The following ZBTB40 variants were observed in gnomAD, a reference collection of about 807,000 sequenced individuals.
The protein encoded by ZBTB40 is zinc finger and BTB domain-containing protein 40.
A neutral mutation model predicts 117.5 loss-of-function variants in ZBTB40; 60 were observed. The observed-to-expected ratio is 0.51, with a 90% confidence interval of 0.41 to 0.63. The LOEUF (loss-of-function observed/expected upper bound fraction) is 0.63, where lower values mean the gene tolerates loss of function less well. ZBTB40 is among the 30% of genes least tolerant of loss of function. ZBTB40 has a pLI of 0.00. For missense variants in ZBTB40, 1,287 were observed against 1,498.5 expected (o/e 0.86, Z 2.33); for synonymous variants, 525 against 577.1 (o/e 0.91, Z 1.29).
intron 1 of ZBTB40, among the ~76,000 whole-genome samples, chr1:22,435,490 T>C (rs1360875441): frequency 2.0e-5 from 3 of 151,862 alleles, no homozygotes; most frequent in Non-Finnish European, 2.9e-5. Flanking sequence ...CTCTCTCTCT[T>C]AATATATTTG....
rs938350534 is a variant in ZBTB40 at position 22,530,380 on chromosome 1, G to A, written c.*3984G>A. On this transcript the variant is annotated 3_prime_UTR_variant, in exon 18 of 18. Transcript: ENST00000375647. ...GAAACTTCGGGGCTGGTGGGACTTA[G>A]GCCAAAAGCTCAGAGGCACAGCCAA... 6.6e-6 allele frequency: 1 copy of A among 152,224 alleles called. No homozygotes were observed. Among genetic ancestry groups the A allele is most frequent in the Non-Finnish European group, 1.5e-5 (1 of 68,038 alleles). The allele number at this position is 152,224 out of a possible 1,614,324, so 9.4% of individuals were successfully genotyped here. A position where few individuals can be genotyped will look rare whatever the true frequency, so the allele number is the denominator to read the frequency against.
chr1:22,524,514 C>G (rs1212187609), intron 17 of ZBTB40, 70 bp downstream of exon 17: 1 of 1,498,166 alleles, frequency 6.7e-7, no homozygotes, highest in African/African-American at 1.4e-5. Context: ...AGAGGTGGCT[C>G]TGTCATAGTA....
At chr1:22,514,593 C>T (rs1423480111) in intron 12 of ZBTB40, among the ~76,000 whole-genome samples, 2 of 152,222 alleles carry the variant, frequency 1.3e-5, no homozygotes, top group East Asian at 3.8e-4. Context: ...TCCTCACCTC[C>T]TTTGAGACCT....
At chr1:22,505,163 T>G (rs1173430552) in intron 5 of ZBTB40, among the ~76,000 whole-genome samples, 2 of 152,166 alleles carry the variant, frequency 1.3e-5, no homozygotes, top group African/African-American at 4.8e-5. Context: ...GAGCTGGCAT[T>G]TTCCCAAAGG....
intron 1 of ZBTB40, among the ~76,000 whole-genome samples, chr1:22,435,610 C>G (rs1640659879): frequency 6.6e-6 from 1 of 152,066 alleles, no homozygotes; most frequent in Non-Finnish European, 1.5e-5. Flanking sequence ...GAGTGGGCAT[C>G]CATGTATTGC....
In ZBTB40 at chr1:22,490,646, G is replaced by GT. The variant is rs774077697; in HGVS notation, c.697+2dup. 2 of 1,612,668 alleles carry GT rather than the reference G, an allele frequency of 1.2e-6. No individual in the cohort carries two copies. The highest frequency in any genetic ancestry group is 2.2e-5 in the South Asian group (2 of 91,070). On this transcript the variant is annotated splice_donor_variant, in intron 2 of 17. Coordinates refer to ENST00000375647, the MANE Select transcript of ZBTB40 (RefSeq NM_014870.4). LOFTEE classifies it high-confidence loss of function. ...GCAAAGAAGACAAGCACAGAACCAGGTAACAGTCATTGTTTTATATTCCAT... is the reference window on the plus strand; with the variant it reads ...GCAAAGAAGACAAGCACAGAACCAGGTTAACAGTCATTGTTTTATATTCCAT...
chr1:22,429,276 G>C (rs1256204537), intron 1 of ZBTB40, among the ~76,000 whole-genome samples: 2 of 152,120 alleles, frequency 1.3e-5, no homozygotes, highest in East Asian at 1.9e-4. Context: ...CAGCTACTCG[G>C]GAGGCTGAGG....
At chr1:22,438,367 A>G (rs1475947396) in intron 1 of ZBTB40, among the ~76,000 whole-genome samples, 1 of 152,152 alleles carries the variant, frequency 6.6e-6, no homozygotes, top group Non-Finnish European at 1.5e-5. Context: ...TTCCTTTTTA[A>G]TATTGAATAC....
At chr1:22,474,885 G>A (rs532123897) in intron 1 of ZBTB40, among the ~76,000 whole-genome samples, 22 of 151,052 alleles carry the variant, frequency 1.5e-4, no homozygotes, top group Non-Finnish European at 8.8e-5. Flanking sequence ...GCAGAGCCCA[G>A]GCCTCAAAAT....
At chr1:22,511,572 A>G in intron 10 of ZBTB40, 104 bp from the exon 11 acceptor site, 1 of 1,334,964 alleles carries the variant, frequency 7.5e-7, no homozygotes, top group East Asian at 2.5e-5. Flanking sequence ...GTTTTTGAGG[A>G]TCTCAAGTAG....
At chr1:22,431,278 A>ATATTGTATATATTGAATATATACAG (rs1557468585) in intron 1 of ZBTB40, among the ~76,000 whole-genome samples, 5 of 143,744 alleles carry the variant, frequency 3.5e-5, no homozygotes, top group African/African-American at 1.4e-4. Flanking sequence ...AATATATACA[A>ATATTGTATATATTGAATATATACAG]TATTGTATAT....
At chr1:22,511,529 A>C in intron 10 of ZBTB40, 147 bp from the exon 11 acceptor site, 1 of 1,239,370 alleles carries the variant, frequency 8.1e-7, no homozygotes, top group South Asian at 1.5e-5. Context: ...TGTTTATTGG[A>C]AAGTAAGGAG....
chr1:22,448,203 A>G (rs1485410374), upstream of ZBTB40, among the ~76,000 whole-genome samples: 2 of 152,218 alleles, frequency 1.3e-5, no homozygotes, highest in African/African-American at 4.8e-5. Flanking sequence ...GAATATGTCA[A>G]ATGAGTTCAT....
At chr1:22,500,906 C>A (rs1420520214) in intron 3 of ZBTB40, among the ~76,000 whole-genome samples, 1 of 152,126 alleles carries the variant, frequency 6.6e-6, no homozygotes, top group Non-Finnish European at 1.5e-5. Flanking sequence ...TTAAGGTATT[C>A]TTTTTTCCTA....
At chr1:22,454,725 C>A (rs1640965590) in intron 1 of ZBTB40, among the ~76,000 whole-genome samples, 2 of 152,220 alleles carry the variant, frequency 1.3e-5, no homozygotes, top group South Asian at 4.1e-4. Flanking sequence ...ACTGCACGCC[C>A]AAGGGCAAGT....
intron 3 of ZBTB40, among the ~76,000 whole-genome samples, chr1:22,492,149 C>T (rs1638648116): frequency 6.6e-6 from 1 of 152,134 alleles, no homozygotes; most frequent in African/African-American, 2.4e-5. Context: ...TGTAATTTGG[C>T]GAAGGTCACA....
Position 22,511,746 on chromosome 1 carries a change from C to G in ZBTB40, c.2073C>G (p.Asn691Lys). Residue 691 changes from asparagine (N) to lysine (K), a missense_variant, in exon 11 of 18, where the codon AAC becomes AAG. Physicochemically the swap from Asn to Lys is moderately conservative, Grantham distance 94. Transcript: ENST00000375647. ...KVSNKFHLEA[N>K]NKEDEKAAKE... ...GTAATAAATTTCACCTTGAAGCCAA[C>G]AACAAAGAAGATGAAAAGGCAGCCA... 1 of 1,608,638 alleles carries G rather than the reference C, an allele frequency of 6.2e-7. No homozygotes were observed. Among genetic ancestry groups the G allele is most frequent in the African/African-American group, 1.3e-5 (1 of 74,442 alleles).
intron 6 of ZBTB40, among the ~76,000 whole-genome samples, chr1:22,506,720 C>T (rs1569861297): frequency 6.6e-6 from 1 of 152,298 alleles, no homozygotes; most frequent in Middle Eastern, 3.4e-3. Context: ...GAAAGACAAT[C>T]CAGCTCAAGC....
Position 22,526,653 on chromosome 1 carries a change from C to G in ZBTB40, c.*257C>G. The stretch of plus-strand genomic sequence containing the variant: ...CCCCACAGGCCCGCTGCTGCGGCCT[C>G]TATGACACTGTCCATCCCCAAGTGA... On this transcript the variant is annotated 3_prime_UTR_variant, in exon 18 of 18. Coordinates refer to ENST00000375647, the MANE Select transcript of ZBTB40 (RefSeq NM_014870.4). The G allele has an allele frequency of 4.2e-6, 2 of 478,712 alleles. No homozygotes were observed. The highest frequency in any genetic ancestry group is 3.2e-5 in the Admixed American group (1 of 31,220). The allele number at this position is 478,712 out of a possible 1,614,324, so 29.7% of individuals were successfully genotyped here.
Sources: allele counts gnomAD v4.1 joint callset (sites outside exome capture counted in the v4.1 genomes callset), GRCh38; gene constraint gnomAD v4.1.1; transcripts MANE v1.5; gene names NCBI Gene and HGNC (gene_info 2026-07-23, HGNC 2026-07-21).